WWC2: variants seen among roughly 807,000 people sequenced by gnomAD.
WWC2 encodes protein WWC2.
In WWC2, 101 loss-of-function variants were observed where a neutral mutation model predicts 138.5. The observed-to-expected ratio is 0.73, with a 90% confidence interval of 0.62 to 0.86. WWC2 has a LOEUF of 0.86. Among genes scored for constraint, WWC2 ranks in the 40% least tolerant of loss-of-function variants. The pLI is 0.00. For synonymous variants in WWC2, 558 were observed against 538.4 expected (o/e 1.04, Z -0.50); for missense variants, 1,420 against 1,419.4 (o/e 1.00, Z -0.01).
intron 6 of WWC2, 63 bp downstream of exon 6, chr4:183,245,608 C>A: frequency 1.4e-6 from 2 of 1,476,026 alleles, no homozygotes; most frequent in South Asian, 1.4e-5. Flanking sequence ...GAAACTCTTA[C>A]TGGGGCAGAA....
intron 1 of WWC2, among the ~76,000 whole-genome samples, chr4:183,185,479 C>T (rs181550625): frequency 2.6e-5 from 4 of 152,284 alleles, no homozygotes. Flanking sequence ...TTTTCAAAAG[C>T]GACTTTTGAT....
intron 1 of WWC2, among the ~76,000 whole-genome samples, chr4:183,110,795 G>A (rs1001840035): frequency 2.6e-5 from 4 of 152,168 alleles, no homozygotes; most frequent in African/African-American, 9.7e-5. Flanking sequence ...AAGGCAAAGA[G>A]GCTTTCCTTT....
At chr4:183,255,374 G>C (rs1053553158) in intron 9 of WWC2, among the ~76,000 whole-genome samples, 6 of 150,604 alleles carry the variant, frequency 4.0e-5, no homozygotes, top group Non-Finnish European at 8.8e-5. Flanking sequence ...TTTTGTTGTT[G>C]TTGTTGCTGT....
intron 8 of WWC2, among the ~76,000 whole-genome samples, chr4:183,250,387 G>T (rs971442903): frequency 6.6e-6 from 1 of 152,158 alleles, no homozygotes; most frequent in South Asian, 2.1e-4. Context: ...AGGCAAATAA[G>T]TATTGATTTA....
intron 1 of WWC2, among the ~76,000 whole-genome samples, chr4:183,121,976 G>C (rs1032828423): frequency 6.6e-6 from 1 of 151,590 alleles, no homozygotes; most frequent in Non-Finnish European, 1.5e-5. Flanking sequence ...TAGTAGAGAC[G>C]GGCTTTCACT....
At chr4:183,239,705 A>G (rs1167120664) in intron 4 of WWC2, among the ~76,000 whole-genome samples, 1 of 152,166 alleles carries the variant, frequency 6.6e-6, no homozygotes, top group East Asian at 1.9e-4. Context: ...GAGAAGTCCT[A>G]TTTGAAAAGA....
intron 4 of WWC2, among the ~76,000 whole-genome samples, chr4:183,217,595 AC>A (rs1450386225): frequency 1.3e-5 from 2 of 152,126 alleles, no homozygotes; most frequent in Non-Finnish European, 2.9e-5. Context: ...ATTAAAAAAA[AC>A]AAAATGGAAC....
Position 183,319,566 on chromosome 4 carries a change from A to G in WWC2, c.*3837A>G. 6.2e-7 allele frequency: 1 copy of G among 1,610,518 alleles called. No individual in the cohort carries two copies. Among genetic ancestry groups the G allele is most frequent in the Non-Finnish European group, 8.5e-7 (1 of 1,178,298 alleles). On this transcript the variant is annotated 3_prime_UTR_variant, in exon 23 of 23. Transcript: ENST00000403733. ...CTTGTCCTTTCTGGCTTAGTGTTTC[A>G]GGTTGGTGTTTCTCGTCTCCAGTTC...
At chr4:183,199,870 A>G (rs1322644266) in intron 2 of WWC2, among the ~76,000 whole-genome samples, 6 of 152,214 alleles carry the variant, frequency 3.9e-5, no homozygotes, top group Admixed American at 2.0e-4. Context: ...AAAACAGCAA[A>G]TTATATTATA....
Position 183,319,267 on chromosome 4 carries a change from A to G in WWC2, c.*3538A>G, listed in dbSNP as rs543185073. On this transcript the variant is annotated 3_prime_UTR_variant, in exon 23 of 23. Transcript: ENST00000403733. ...ATATGAATAATACCTTCAAAGATAC[A>G]TAGAGATTAATGTTTTATTTACCAC... The G allele has an allele frequency of 1.3e-5, 4 of 313,826 alleles. No individual in the cohort carries two copies. The highest frequency in any genetic ancestry group is 6.3e-5 in the African/African-American group (3 of 47,260). 19.4% of individuals were successfully genotyped at this position (313,826 alleles called of 1,614,324 possible). A position where few individuals can be genotyped will look rare whatever the true frequency, so the allele number is the denominator to read the frequency against.
chr4:183,157,319 T>C (rs568011997), intron 1 of WWC2, among the ~76,000 whole-genome samples: 1 of 152,326 alleles, frequency 6.6e-6, no homozygotes, highest in Admixed American at 6.5e-5. Flanking sequence ...CGCTGTGTCC[T>C]TCTCAACATA....
chr4:183,297,537 GTAGCTGGGAC>G (rs953315667), intron 21 of WWC2, among the ~76,000 whole-genome samples: 4 of 151,686 alleles, frequency 2.6e-5, no homozygotes, highest in African/African-American at 9.7e-5. Flanking sequence ...AGCCTCCCAA[GTAGCTGGGAC>G]TACAGGCGCG....
At chr4:183,274,692 A>G (rs374177914) in intron 16 of WWC2, among the ~76,000 whole-genome samples, 154 of 152,316 alleles carry the variant, frequency 1.0e-3, no homozygotes, top group African/African-American at 3.7e-3. Flanking sequence ...AAAAAGATCT[A>G]TACTATGACC....
chr4:183,100,164 G>C (rs910633191), intron 1 of WWC2, among the ~76,000 whole-genome samples: 1 of 152,246 alleles, frequency 6.6e-6, no homozygotes, highest in Non-Finnish European at 1.5e-5. Context: ...CCTGCTAGTG[G>C]GTGTGACTGA....
chr4:183,253,916 A>G lies in WWC2; in HGVS notation c.1113A>G (p.Leu371=), dbSNP rs1180341636. The G allele has an allele frequency of 6.2e-7, 1 of 1,613,902 alleles. No homozygotes were observed. Among genetic ancestry groups the G allele is most frequent in the Admixed American group, 1.7e-5 (1 of 60,024 alleles). Residue 371 remains leucine, a synonymous_variant, in exon 9 of 23, where the codon TTA becomes TTG. Transcript: ENST00000403733. ...VTPQKRTQDE[L]ERLEAERQRL... ...CACAGAAACGTACCCAAGATGAATT[A>G]GAACGCCTAGAAGCTGAAAGGCAGC... is the stretch of plus-strand genomic sequence containing the variant.
At position 183,120,844 on chromosome 4, in the gene WWC2, G is replaced by A. The variant is rs1401926260; in HGVS notation, c.131+21222G>A. On this transcript the variant is annotated intron_variant, in intron 1 of 22. Transcript: ENST00000403733. ...CCATCATGGCTGACTGACCTCCTGG[G>A]CTCAGGCAGTTCTCCTGCATTGGCC... Among the ~76,000 whole-genome samples the A allele has an allele frequency of 2.0e-5, 3 of 152,180 alleles. No homozygotes were observed. The East Asian group carries it at 5.8e-4, about 29-fold the overall frequency.
intron 21 of WWC2, among the ~76,000 whole-genome samples, chr4:183,308,158 C>G (rs1560898160): frequency 6.6e-6 from 1 of 152,048 alleles, no homozygotes; most frequent in Non-Finnish European, 1.5e-5. Flanking sequence ...ACTTGTAAAT[C>G]TTAACAAAAT....
chr4:183,311,603 G>A (rs1429002174), intron 21 of WWC2, among the ~76,000 whole-genome samples: 2 of 118,476 alleles, frequency 1.7e-5, no homozygotes, highest in East Asian at 4.9e-4. Context: ...TTTTTGAGAC[G>A]GAGTCTCACT....
intron 1 of WWC2, among the ~76,000 whole-genome samples, chr4:183,122,620 A>T (rs1470163547): frequency 6.6e-6 from 1 of 152,122 alleles, no homozygotes; most frequent in Non-Finnish European, 1.5e-5. Context: ...CCCAGGCTCA[A>T]GCGATTCTCG....
Sources: allele counts gnomAD v4.1 joint callset (sites outside exome capture counted in the v4.1 genomes callset), GRCh38; gene constraint gnomAD v4.1.1; transcripts MANE v1.5; gene names NCBI Gene and HGNC (gene_info 2026-07-23, HGNC 2026-07-21).